The following FANCA variants were observed in gnomAD, a reference collection of about 807,000 sequenced individuals.
FANCA encodes FA complementation group A.
FANCA carries 236 observed loss-of-function variants against 194.3 expected under a neutral mutation model. That is an observed-to-expected ratio of 1.21 (90% confidence interval 1.09 to 1.35). FANCA has a LOEUF of 1.35. FANCA is among the 40% of genes most tolerant of loss of function. FANCA has a pLI of 0.00. For synonymous variants in FANCA, 1,014 were observed against 715.8 expected, an observed-to-expected ratio of 1.42 and a Z score of -6.65; for missense variants, 2,628 against 1,813.9, an observed-to-expected ratio of 1.45 and a Z score of -8.15.
Position 89,799,187 on chromosome 16 carries a change from G to A in FANCA, c.872C>T (p.Thr291Ile). The change falls in exon 10 of 43, where the codon ACT becomes ATT. Residue 291 changes from threonine (T) to isoleucine (I), a missense_variant. Physicochemically the swap from Thr to Ile is moderately conservative, Grantham distance 89. Coordinates refer to ENST00000389301, the MANE Select transcript of FANCA (RefSeq NM_000135.4). ...ATACCAGCACCTCACGATCTTGTGA[G>A]TGGAGGACTCCTCCTGTACTCCAGC... ...LAAGVQEESSTHKIVRCWFGV... is the reference protein window; with the variant it reads ...LAAGVQEESSIHKIVRCWFGV... 6.2e-7 allele frequency: 1 copy of A among 1,614,168 alleles called. No individual in the cohort carries two copies. The highest frequency in any genetic ancestry group is 8.5e-7 in the Non-Finnish European group (1 of 1,180,040).
At chr16:89,781,208 C>CA (rs2039688109) in intron 17 of FANCA, among the ~76,000 whole-genome samples, 2 of 144,638 alleles carry the variant, frequency 1.4e-5, no homozygotes, top group Non-Finnish European at 1.5e-5. Flanking sequence ...ACTAAAAACA[C>CA]ACAAAATTAG....
At chr16:89,753,208 T>C (rs7205518) in intron 30 of FANCA, among the ~76,000 whole-genome samples, 62,203 of 152,150 alleles carry the variant, frequency 0.41, 13,984 homozygotes, top group East Asian at 0.76. Context: ...CCAGTGGACA[T>C]GTGACCCACG....
At chr16:89,813,867 C>T (rs966527897) in intron 3 of FANCA, among the ~76,000 whole-genome samples, 51 of 151,456 alleles carry the variant, frequency 3.4e-4, no homozygotes, top group African/African-American at 1.1e-3. Context: ...CTAACTATAT[C>T]TTTAGCAGAA....
At chr16:89,798,881 G>A (rs1346415902) in intron 10 of FANCA, 4 of 1,571,056 alleles carry the variant, frequency 2.5e-6, no homozygotes, top group African/African-American at 2.7e-5. Flanking sequence ...ACAGGAGGAG[G>A]TCACAGTGAG....
chr16:89,791,884 A>T, intron 13 of FANCA, 43 bp downstream of exon 13: 1 of 1,613,128 alleles, frequency 6.2e-7, no homozygotes, highest in South Asian at 1.1e-5. Flanking sequence ...ACCCCCCTAC[A>T]CACACTCTTG....
In FANCA at chr16:89,783,116, G is replaced by C. The variant is rs764284226; in HGVS notation, c.1471-14C>G. On this transcript the variant is annotated splice_polypyrimidine_tract_variant and intron_variant, in intron 15 of 42. Coordinates refer to ENST00000389301, the MANE Select transcript of FANCA (RefSeq NM_000135.4). Reference sequence around the variant, plus strand: ...GAGAATGTGCACCTGAGGATAGATAGCAGAGCGCAGCACCGTTAGTCTGGG... The same window carrying C: ...GAGAATGTGCACCTGAGGATAGATACCAGAGCGCAGCACCGTTAGTCTGGG... The C allele has an allele frequency of 3.1e-6, 5 of 1,590,082 alleles. No homozygotes were observed. Among genetic ancestry groups the C allele is most frequent in the Non-Finnish European group, 4.3e-6 (5 of 1,158,872 alleles).
chr16:89,813,528 G>A (rs901097147), intron 3 of FANCA, among the ~76,000 whole-genome samples: 1 of 152,030 alleles, frequency 6.6e-6, no homozygotes, highest in Non-Finnish European at 1.5e-5. Flanking sequence ...TGCCTCCCAC[G>A]TTCAAGCAAT....
At chr16:89,772,517 T>C (rs2039360862) in intron 22 of FANCA, among the ~76,000 whole-genome samples, 1 of 139,830 alleles carries the variant, frequency 7.2e-6, no homozygotes, top group African/African-American at 2.7e-5. Context: ...AAAAAATATA[T>C]ATATATCACC....
chr16:89,782,247 G>C (rs1269504811), intron 17 of FANCA, among the ~76,000 whole-genome samples: 1 of 147,654 alleles, frequency 6.8e-6, no homozygotes, highest in East Asian at 2.0e-4. Context: ...CGTGGTGGCG[G>C]GCGCCTGTAA....
chr16:89,771,083 T>C (rs11645321), intron 23 of FANCA, among the ~76,000 whole-genome samples: 9,017 of 149,354 alleles, frequency 0.06, 413 homozygotes, highest in East Asian at 0.23. Flanking sequence ...GAGAACTGCT[T>C]GAACCCAGGA....
rs760513588 is a variant in FANCA at position 89,796,005 on chromosome 16, T to C, written c.907A>G (p.Ser303Gly). ...KIVRCWFGVF[S>G]GHTLGSVIST... ...ATTACACTGCCAAGCGTGTGTCCAC[T>C]GAACACTCCGAACCTGCCAATGCAG... The change falls in exon 11 of 43, where the codon AGT (serine) becomes GGT (glycine). Residue 303 changes from serine (S) to glycine (G), a missense_variant. By Grantham distance (56) the Ser-to-Gly change is moderately conservative. Coordinates refer to ENST00000389301, the MANE Select transcript of FANCA (RefSeq NM_000135.4). 11 of 1,613,988 alleles carry C rather than the reference T, an allele frequency of 6.8e-6. No homozygotes were observed. In the South Asian group the frequency reaches 1.1e-4, roughly 16 times the overall value.
In FANCA at chr16:89,792,476, G is replaced by C. The variant is rs375895456; in HGVS notation, c.1078C>G (p.Arg360Gly). The C allele has an allele frequency of 1.2e-6, 2 of 1,613,070 alleles. No individual in the cohort carries two copies. Among genetic ancestry groups the C allele is most frequent in the East Asian group, 2.2e-5 (1 of 44,870 alleles). The change falls in exon 12 of 43, where the codon CGC becomes GGC. Residue 360 changes from arginine (R) to glycine (G), a missense_variant. Coordinates refer to ENST00000389301, the MANE Select transcript of FANCA (RefSeq NM_000135.4). ...ATAATACCACATCCACTCACCCTGC[G>C]GTACAGTGAGGTGAGCAGAGGGTGT... ...RTHPLLTSLY[R>G]RLFVMLSAEE... is the part of the protein sequence containing the mutation.
intron 36 of FANCA, among the ~76,000 whole-genome samples, chr16:89,743,690 G>A (rs972045351): frequency 6.6e-6 from 1 of 152,066 alleles, no homozygotes; most frequent in African/African-American, 2.4e-5. Context: ...AGGCATGGTG[G>A]CTCACGCCTG....
At chr16:89,811,888 G>T (rs1319555598) in intron 3 of FANCA, among the ~76,000 whole-genome samples, 1 of 151,644 alleles carries the variant, frequency 6.6e-6, no homozygotes, top group Non-Finnish European at 1.5e-5. Context: ...GCGTCACTAC[G>T]CCCAGTTAAT....
rs1209384219 is a variant in FANCA at position 89,739,172 on chromosome 16, A to G, written c.4128T>C (p.Val1376=). The G allele has an allele frequency of 1.2e-6, 2 of 1,614,128 alleles. No individual in the cohort carries two copies. The highest frequency in any genetic ancestry group is 4.5e-5 in the East Asian group (2 of 44,884). The change falls in exon 41 of 43, where the codon GTT becomes GTC. Residue 1376 remains valine (V), a synonymous_variant. Transcript: ENST00000389301. The stretch of plus-strand genomic sequence containing the variant: ...CCAGGCTCCTGCCAGCTGGAGGTGA[A>G]ACTGTGCTTGTATCCCCAGCCACGA... ...QLFVAGDTST[V]SPPAGRSLEL... is the part of the protein sequence containing the mutation.
At chr16:89,748,087 T>C (rs558398798) in intron 33 of FANCA, among the ~76,000 whole-genome samples, 2 of 152,156 alleles carry the variant, frequency 1.3e-5, no homozygotes, top group Non-Finnish European at 2.9e-5. Context: ...AATTTTTCTA[T>C]TTTTTGTAGA....
chr16:89,739,272 TG>T lies in FANCA; in HGVS notation c.4027del (p.His1343MetfsTer20), dbSNP rs1277456757. 6.2e-7 allele frequency: 1 copy of T among 1,614,092 alleles called. No homozygotes were observed. The highest frequency in any genetic ancestry group is 1.1e-5 in the South Asian group (1 of 91,080). On this transcript the variant is annotated frameshift_variant, in exon 41 of 43. Coordinates refer to ENST00000389301, the MANE Select transcript of FANCA (RefSeq NM_000135.4). LOFTEE classifies it high-confidence loss of function. ...FAFYSLLSYF[H>X]EDAAIREEAF... The stretch of plus-strand genomic sequence containing the variant: ...CTCTTCCCTGATGGCCGCGTCTTCA[TG>T]GAAGTAGGAGAGAAGACTAGAGGTA...
At chr16:89,773,671 G>A (rs1270202561) in intron 21 of FANCA, among the ~76,000 whole-genome samples, 2 of 152,040 alleles carry the variant, frequency 1.3e-5, no homozygotes, top group Non-Finnish European at 1.5e-5. Flanking sequence ...CTCCACCACC[G>A]TGAGAAGCAT....
At position 89,792,034 on chromosome 16, in the gene FANCA, C is replaced by T. The variant is rs775692449; in HGVS notation, c.1118G>A (p.Gly373Asp). 4 of 1,613,814 alleles carry T rather than the reference C, an allele frequency of 2.5e-6. No homozygotes were observed. In the South Asian group the frequency reaches 3.3e-5, roughly 13 times the overall value. ...CGTTTCCAGAACTTCTTGCAAATGG[C>T]CAACCAACTCCTCTGCACTCAGCAT... ...FVMLSAEELV[G>D]HLQEVLETQE... The change falls in exon 13 of 43, where the codon GGC becomes GAC. Residue 373 changes from glycine to aspartate, a missense_variant. By Grantham distance (94) the Gly-to-Asp change is moderately conservative. Transcript: ENST00000389301.
Sources: allele counts gnomAD v4.1 joint callset (sites outside exome capture counted in the v4.1 genomes callset), GRCh38; gene constraint gnomAD v4.1.1; transcripts MANE v1.5; gene names NCBI Gene and HGNC (gene_info 2026-07-23, HGNC 2026-07-21).